The following GNL2 variants were observed in gnomAD, a reference collection of about 807,000 sequenced individuals.
The protein encoded by GNL2 is nucleolar GTP-binding protein 2.
In GNL2, 51 loss-of-function variants were observed where a neutral mutation model predicts 92.3. That is an observed-to-expected ratio of 0.55 (90% CI 0.44 to 0.70). The LOEUF is 0.70. GNL2 is among the 30% of genes least tolerant of loss of function. The pLI is 0.00. For missense variants in GNL2, 844 were observed against 895.6 expected (o/e 0.94, Z 0.74); for synonymous variants, 283 against 300.6 (o/e 0.94, Z 0.61).
Position 37,582,892 on chromosome 1 carries a change from T to C in GNL2, c.681A>G (p.Arg227=). The change falls in exon 7 of 16, where the codon AGA becomes AGG. Residue 227 remains arginine, a synonymous_variant. Coordinates refer to ENST00000373062, the MANE Select transcript of GNL2 (RefSeq NM_013285.3). ...SDVVVQVLDA[R]DPMGTRSPHI... is the part of the protein sequence containing the mutation. ...GAGGGGAACGAGTACCCATTGGATCTCTAGCATCAAGAACTTGAACTACAA... is the reference window on the plus strand; with the variant it reads ...GAGGGGAACGAGTACCCATTGGATCCCTAGCATCAAGAACTTGAACTACAA... 1 of 1,612,802 alleles carries C rather than the reference T, an allele frequency of 6.2e-7. No homozygotes were observed.
chr1:37,593,999 A>G lies in GNL2; in HGVS notation c.65-153T>C, dbSNP rs898299107. 3 of 575,724 alleles carry G rather than the reference A, an allele frequency of 5.2e-6. No individual in the cohort carries two copies. The African/African-American group carries it at 5.7e-5, about 11-fold the overall frequency. The allele number at this position is 575,724 out of a possible 1,614,324, so 35.7% of individuals were successfully genotyped here. A position where few individuals can be genotyped will look rare whatever the true frequency, so the allele number is the denominator to read the frequency against. On this transcript the variant is annotated intron_variant, in intron 1 of 15. Transcript: ENST00000373062. ...ACTTTCTCCATATGTTGCTCCAATA[A>G]TTAGTACTTGAAGCTACATGGTATG...
At chr1:37,573,992 A>G (rs1362937175) in intron 12 of GNL2, among the ~76,000 whole-genome samples, 2 of 152,124 alleles carry the variant, frequency 1.3e-5, no homozygotes, top group Non-Finnish European at 2.9e-5. Flanking sequence ...TCCTGGGTTC[A>G]AGCAATTCTC....
Position 37,575,328 on chromosome 1 carries a change from C to T in GNL2, c.1143+267G>A, listed in dbSNP as rs769830978. Among the ~76,000 whole-genome samples the T allele has an allele frequency of 1.3e-5, 2 of 152,184 alleles. No homozygotes were observed. Among genetic ancestry groups the T allele is most frequent in the Non-Finnish European group, 2.9e-5 (2 of 68,036 alleles). On this transcript the variant is annotated intron_variant, in intron 10 of 15. Transcript: ENST00000373062. This position sits in a 1 kb window ranked among gnomAD's most constrained non-coding sequence, Gnocchi z 4.1. ...CCCACGAAGACGAATTATCGCTAAGCATAAACAGGCCCTGCTTCCCTTTGG... is the reference window on the plus strand; with the variant it reads ...CCCACGAAGACGAATTATCGCTAAGTATAAACAGGCCCTGCTTCCCTTTGG...
Position 37,582,836 on chromosome 1 carries a change from G to A in GNL2, c.737C>T (p.Pro246Leu). ...AAGTACAAAAATGAGGTGTTTCCAA[G>A]GTTTTTCCTTCTTCAGGTAAGTTTC... The part of the protein sequence containing the change: ...HIETYLKKEK[P>L]WKHLIFVLNK... Residue 246 changes from proline (P) to leucine (L), a missense_variant, in exon 7 of 16, where the codon CCT becomes CTT. Pro to Leu is a moderately conservative substitution (Grantham distance 98). Coordinates refer to ENST00000373062, the MANE Select transcript of GNL2 (RefSeq NM_013285.3). 1 of 1,613,784 alleles carries A rather than the reference G, an allele frequency of 6.2e-7. No individual in the cohort carries two copies. The highest frequency in any genetic ancestry group is 8.5e-7 in the Non-Finnish European group (1 of 1,179,774).
At position 37,590,819 on chromosome 1, in the gene GNL2, A is replaced by G. The variant is rs550088491; in HGVS notation, c.271T>C (p.Ser91Pro). Residue 91 changes from serine to proline, a missense_variant, in exon 4 of 16, where the codon TCA (serine) becomes CCA (proline). Transcript: ENST00000373062. ...FGNTRVIKQS[S>P]LQKFQEEMDT... is the part of the protein sequence containing the mutation. ...ATTTCCTCTTGAAATTTTTGTAATG[A>G]TGACTGCTTAATCACACGTGTGTTT... 8.7e-5 allele frequency: 140 copies of G among 1,601,974 alleles called. No individual in the cohort carries two copies. In the Middle Eastern group the frequency reaches 9.9e-4, roughly 11 times the overall value.
At chr1:37,570,316 G>A (rs181825656) in intron 12 of GNL2, 47 of 152,330 alleles carry the variant, frequency 3.1e-4, no homozygotes, top group African/African-American at 1.0e-3. Context: ...CAGATCACAA[G>A]GTCAGGAGTT....
intron 3 of GNL2, among the ~76,000 whole-genome samples, chr1:37,592,265 A>G (rs4653305): frequency 0.75 from 113,966 of 152,104 alleles, 44,888 homozygotes; most frequent in East Asian, 0.96. Context: ...ACTGTTGGAC[A>G]GTTCAACAGT....
rs1325077362 is a variant in GNL2, at chr1:37,590,712, C to T, written c.378G>A (p.Arg126=). The change falls in exon 4 of 16, where the codon CGG becomes CGA. Residue 126 remains arginine (R), a synonymous_variant. Transcript: ENST00000373062. ...LPMSLLHDRI[R]PHNLKVHILD... ...GGGATATCCTACATCTTACATGAGG[C>T]CGGATTCGATCATGGAGAAGAGACA... 6 of 1,613,276 alleles carry T rather than the reference C, an allele frequency of 3.7e-6. No homozygotes were observed. The South Asian group carries it at 6.6e-5, about 18-fold the overall frequency.
chr1:37,580,140 A>C (rs1049964302), intron 8 of GNL2, among the ~76,000 whole-genome samples: 2 of 152,062 alleles, frequency 1.3e-5, no homozygotes, highest in Non-Finnish European at 2.9e-5. Context: ...TAGAATAAGA[A>C]AAGATTGGCT....
In GNL2 at chr1:37,583,792, T is replaced by C. The variant is rs561811232; in HGVS notation, c.636+75A>G. On this transcript the variant is annotated intron_variant, in intron 6 of 15. Transcript: ENST00000373062. ...CTCTGCGCAACAGAGCTTCAATATATCAAAATTAGTTTTCTTCTACAAAAT... is the reference window on the plus strand; with the variant it reads ...CTCTGCGCAACAGAGCTTCAATATACCAAAATTAGTTTTCTTCTACAAAAT... 51 of 869,544 alleles carry C rather than the reference T, an allele frequency of 5.9e-5. No homozygotes were observed. The South Asian group carries it at 6.6e-4, about 11-fold the overall frequency. The allele number at this position is 869,544 out of a possible 1,614,324, so 53.9% of individuals were successfully genotyped here.
chr1:37,584,897 T>G (rs1324354518), intron 5 of GNL2, among the ~76,000 whole-genome samples: 1 of 151,600 alleles, frequency 6.6e-6, no homozygotes, highest in African/African-American at 2.4e-5. Context: ...CTGACCAACA[T>G]GGTGAAACCC....
At chr1:37,570,629 C>T (rs896326727) in intron 12 of GNL2, 2 of 152,138 alleles carry the variant, frequency 1.3e-5, no homozygotes, top group Non-Finnish European at 2.9e-5. Context: ...TGACCCTTGT[C>T]AGATGCTGGT....
chr1:37,593,077 TA>T (rs955218546), intron 2 of GNL2, among the ~76,000 whole-genome samples: 4 of 150,358 alleles, frequency 2.7e-5, no homozygotes, highest in East Asian at 1.9e-4. Context: ...CTGTTTACTT[TA>T]AAAAAAAAAC....
chr1:37,592,836 G>A, intron 2 of GNL2, 30 bp from the exon 3 acceptor site: 1 of 1,261,478 alleles, frequency 7.9e-7, no homozygotes, highest in Non-Finnish European at 1.2e-6. Context: ...GATATTGGTT[G>A]ACAACAGAAA....
At chr1:37,573,737 G>A (rs1330169544) in intron 12 of GNL2, among the ~76,000 whole-genome samples, 1 of 152,178 alleles carries the variant, frequency 6.6e-6, no homozygotes, top group Non-Finnish European at 1.5e-5. Flanking sequence ...AGGCCCTAAA[G>A]GCTAGTATCT....
chr1:37,590,568 G>A lies in GNL2; in HGVS notation c.384+138C>T, dbSNP rs1263635575. On this transcript the variant is annotated intron_variant, in intron 4 of 15. Coordinates refer to ENST00000373062, the MANE Select transcript of GNL2 (RefSeq NM_013285.3). ...CATACTAAACATGAAAAGGTGAAAA[G>A]AGAGGTCTTAGAAAGTTCATCATTG... 5.8e-6 allele frequency: 4 copies of A among 693,452 alleles called. No homozygotes were observed. The South Asian group carries it at 7.1e-5, about 12-fold the overall frequency. 43.0% of individuals were successfully genotyped at this position (693,452 alleles called of 1,614,324 possible).
rs556513286 is a variant in GNL2 at position 37,579,285 on chromosome 1, C to T, written c.910-2729G>A. The stretch of plus-strand genomic sequence containing the variant: ...GAAAGTGGCCGGGAGCAGTGGCTCA[C>T]GTCTGTAATCCCAGCACTCTGGGAG... On this transcript the variant is annotated intron_variant, in intron 8 of 15. Coordinates refer to ENST00000373062, the MANE Select transcript of GNL2 (RefSeq NM_013285.3). Among the ~76,000 whole-genome samples, 51 of 152,182 alleles carry T rather than the reference C, an allele frequency of 3.4e-4. 1 individual carries two copies. The South Asian group carries it at 0.01, about 31-fold the overall frequency.
intron 4 of GNL2, among the ~76,000 whole-genome samples, chr1:37,588,568 A>G (rs1643870124): frequency 6.6e-6 from 1 of 152,238 alleles, no homozygotes; most frequent in Non-Finnish European, 1.5e-5. Context: ...TGTGACCAAA[A>G]TTATCCTTCA....
chr1:37,574,791 G>T lies in GNL2; in HGVS notation c.1176C>A (p.Asp392Glu). Residue 392 changes from aspartate (D) to glutamate (E), a missense_variant, in exon 11 of 16, where the codon GAC becomes GAA. Physicochemically the swap from Asp to Glu is conservative, Grantham distance 45. Coordinates refer to ENST00000373062, the MANE Select transcript of GNL2 (RefSeq NM_013285.3). ...CTCGTTCAAGTACAGCACCAATGTGGTCTTCAGGACTCTTAATTTTTTCTA... is the reference window on the plus strand; with the variant it reads ...CTCGTTCAAGTACAGCACCAATGTGTTCTTCAGGACTCTTAATTTTTTCTA... ...VQVEKIKSPE[D>E]HIGAVLERAK... The T allele has an allele frequency of 6.2e-7, 1 of 1,613,316 alleles. No individual in the cohort carries two copies. The highest frequency in any genetic ancestry group is 8.5e-7 in the Non-Finnish European group (1 of 1,179,260).
Sources: allele counts gnomAD v4.1 joint callset (sites outside exome capture counted in the v4.1 genomes callset), GRCh38; gene constraint gnomAD v4.1.1; non-coding constraint Gnocchi (gnomAD v3.1); transcripts MANE v1.5; gene names NCBI Gene and HGNC (gene_info 2026-07-23, HGNC 2026-07-21).